WDR33: variants seen among roughly 807,000 people sequenced by gnomAD.
WDR33 encodes pre-mRNA 3' end processing protein WDR33.
Under a neutral mutation model 164.9 loss-of-function variants are expected in WDR33, and 47 were observed. The ratio of observed to expected loss-of-function variants is 0.29; its 90% CI spans 0.23 to 0.36. The LOEUF (loss-of-function observed/expected upper bound fraction) is 0.36. Ranked by LOEUF, WDR33 falls within the 10% of genes least tolerant of loss-of-function variation. The pLI is 1.00. For missense variants in WDR33, 1,137 were observed against 1,754.1 expected, an observed-to-expected ratio of 0.65 and a Z score of 6.28; for synonymous variants, 505 against 589.0, an observed-to-expected ratio of 0.86 and a Z score of 2.06.
Position 127,763,401 on chromosome 2 carries a change from T to C in WDR33, c.627-242A>G. On this transcript the variant is annotated intron_variant, in intron 6 of 21. Coordinates refer to ENST00000322313, the MANE Select transcript of WDR33 (RefSeq NM_018383.5). The surrounding 1 kb of genome is among the most constrained non-coding windows in gnomAD (Gnocchi z 4.5). Reference sequence around the variant, plus strand: ...GTATTCTGAGAACTTCAAGTGTGTATTATTAGTGCTAATGCTATCCATGTT... The same window carrying C: ...GTATTCTGAGAACTTCAAGTGTGTACTATTAGTGCTAATGCTATCCATGTT... 2 of 1,328,830 alleles carry C rather than the reference T, an allele frequency of 1.5e-6. No homozygotes were observed. The highest frequency in any genetic ancestry group is 1.7e-5 in the South Asian group (1 of 59,826). The allele number at this position is 1,328,830 out of a possible 1,614,324, so 82.3% of individuals were successfully genotyped here.
rs533303796 is a variant in WDR33, at chr2:127,789,996, T to A, written c.-23-18992A>T. ...GACTACAGGTGCATGCCACCACGCC[T>A]GGCTAATTTTTTTTATTTTTAGTAG... is the stretch of plus-strand genomic sequence containing the variant. On this transcript the variant is annotated intron_variant, in intron 1 of 21. Transcript: ENST00000322313. Among the ~76,000 whole-genome samples, 3 of 152,242 alleles carry A rather than the reference T, an allele frequency of 2.0e-5. No homozygotes were observed. The East Asian group carries it at 5.8e-4, about 29-fold the overall frequency.
Position 127,701,907 on chromosome 2 carries a change from C to G in WDR33, c.*4416G>C, listed in dbSNP as rs966161710. On this transcript the variant is annotated 3_prime_UTR_variant, in exon 22 of 22. Transcript: ENST00000322313. The stretch of plus-strand genomic sequence containing the variant: ...GGCGTTGGCGGGAAGCGCGCTGCTG[C>G]GGGGCGGCGCGGCGTGCGGACGCCT... The G allele has an allele frequency of 2.2e-5, 32 of 1,449,214 alleles. No homozygotes were observed. In the African/African-American group the frequency reaches 4.5e-4, roughly 20 times the overall value. The allele number at this position is 1,449,214 out of a possible 1,614,324, so 89.8% of individuals were successfully genotyped here. A position where few individuals can be genotyped will look rare whatever the true frequency, so the allele number is the denominator to read the frequency against.
chr2:127,721,275 T>G lies in WDR33; in HGVS notation c.1671+561A>C, dbSNP rs1472140330. ...GGCATGCACCACCATGCCCAGCTAA[T>G]TTTTGTATTTTCAGTAGAGGTGGGG... On this transcript the variant is annotated intron_variant, in intron 15 of 21. Coordinates refer to ENST00000322313, the MANE Select transcript of WDR33 (RefSeq NM_018383.5). This position sits in a 1 kb window ranked among gnomAD's most constrained non-coding sequence, Gnocchi z 4.9. Among the ~76,000 whole-genome samples, 1 of 152,072 alleles carries G rather than the reference T, an allele frequency of 6.6e-6. No individual in the cohort carries two copies. Among genetic ancestry groups the G allele is most frequent in the African/African-American group, 2.4e-5 (1 of 41,388 alleles).
At chr2:127,774,631 C>T (rs1484952349) in intron 1 of WDR33, among the ~76,000 whole-genome samples, 2 of 152,124 alleles carry the variant, frequency 1.3e-5, no homozygotes, top group Non-Finnish European at 2.9e-5. Context: ...AGATCGAGAC[C>T]ATCCCGGCTA....
intron 1 of WDR33, among the ~76,000 whole-genome samples, chr2:127,796,777 C>T (rs1320476712): frequency 6.6e-6 from 1 of 151,988 alleles, no homozygotes. Context: ...GTATTTCGGT[C>T]TCCTAAATGA....
chr2:127,790,030 T>C (rs1182031131), intron 1 of WDR33, among the ~76,000 whole-genome samples: 25 of 152,102 alleles, frequency 1.6e-4, no homozygotes, highest in Non-Finnish European at 2.6e-4. Context: ...AGAGACAGGG[T>C]TTCGACATGT....
chr2:127,801,580 T>C (rs1689246153), intron 1 of WDR33, among the ~76,000 whole-genome samples: 1 of 150,510 alleles, frequency 6.6e-6, no homozygotes, highest in Non-Finnish European at 1.5e-5. Context: ...TCTTCAAAAA[T>C]GTTAAAAACA....
At chr2:127,736,314 AG>A in intron 7 of WDR33, 7 of 985,414 alleles carry the variant, frequency 7.1e-6, no homozygotes, top group Non-Finnish European at 7.2e-6. Context: ...GGGCATGTAA[AG>A]GGGCCTTTAA....
Position 127,720,069 on chromosome 2 carries a change from G to A in WDR33, c.1956C>T (p.Phe652=), listed in dbSNP as rs1258728756. The A allele has an allele frequency of 6.2e-7, 1 of 1,614,026 alleles. No individual in the cohort carries two copies. Among genetic ancestry groups the A allele is most frequent in the Non-Finnish European group, 8.5e-7 (1 of 1,180,012 alleles). ...GGCCCTGGGGCCCCTGTGGTCCCAT[G>A]AATCCTTGTGGCCCCCCACCTCCCT... ...LHQGGGGPQG[F]MGPQGPQGPP... is the part of the protein sequence containing the mutation. The change falls in exon 16 of 22, where the codon TTC becomes TTT. Residue 652 remains phenylalanine (F), a synonymous_variant. Transcript: ENST00000322313. The surrounding 1 kb of genome is among the most constrained non-coding windows in gnomAD (Gnocchi z 5.9).
intron 1 of WDR33, among the ~76,000 whole-genome samples, chr2:127,799,878 T>C (rs146003811): frequency 0.022 from 3,361 of 152,224 alleles, 59 homozygotes; most frequent in Non-Finnish European, 0.031. Context: ...GGCAACAGAG[T>C]GAGACCCCGT....
chr2:127,809,169 A>G (rs1689548815), intron 1 of WDR33, among the ~76,000 whole-genome samples: 1 of 152,134 alleles, frequency 6.6e-6, no homozygotes, highest in African/African-American at 2.4e-5. Flanking sequence ...TTCAAACTTC[A>G]GCCATAATCA....
In WDR33 at chr2:127,708,665, G is replaced by A; in HGVS notation, c.3781+12C>T. On this transcript the variant is annotated intron_variant, in intron 21 of 21. Coordinates refer to ENST00000322313, the MANE Select transcript of WDR33 (RefSeq NM_018383.5). This position sits in a 1 kb window ranked among gnomAD's most constrained non-coding sequence, Gnocchi z 6.7. ...GCATCTCCTGGAACCATAACCACTG[G>A]CCTGCTCTTACCTTTGCCTCCTCGG... is the stretch of plus-strand genomic sequence containing the variant. 1 of 1,585,848 alleles carries A rather than the reference G, an allele frequency of 6.3e-7. No homozygotes were observed. The highest frequency in any genetic ancestry group is 8.6e-7 in the Non-Finnish European group (1 of 1,164,506).
At chr2:127,728,110 A>T (rs1686614790) in intron 7 of WDR33, among the ~76,000 whole-genome samples, 1 of 152,232 alleles carries the variant, frequency 6.6e-6, no homozygotes, top group South Asian at 2.1e-4. Flanking sequence ...CATGTCTTAG[A>T]TTTTATCATT....
intron 7 of WDR33, among the ~76,000 whole-genome samples, chr2:127,758,999 G>A (rs1333628867): frequency 1.3e-5 from 2 of 152,064 alleles, no homozygotes; most frequent in African/African-American, 4.8e-5. Flanking sequence ...ATTTAGTCTC[G>A]CATATTTCTC....
chr2:127,755,942 C>G (rs903009313), intron 7 of WDR33, among the ~76,000 whole-genome samples: 3 of 152,068 alleles, frequency 2.0e-5, no homozygotes, highest in Non-Finnish European at 4.4e-5. Flanking sequence ...AATTTCCATT[C>G]GTGACAAAAC....
chr2:127,778,730 GGT>G (rs1374946853), intron 1 of WDR33, among the ~76,000 whole-genome samples: 1 of 152,070 alleles, frequency 6.6e-6, no homozygotes, highest in Non-Finnish European at 1.5e-5. Context: ...AAGGGCAGGG[GGT>G]GTCAGGGGAG....
chr2:127,711,751 G>GATATATAT lies in WDR33; in HGVS notation c.3308+1824_3308+1831dup, dbSNP rs754454193. Among the ~76,000 whole-genome samples, 221 of 71,584 alleles carry GATATATAT rather than the reference G, an allele frequency of 3.1e-3. 6 individuals are homozygous for GATATATAT. The highest frequency in any genetic ancestry group is 4.5e-3 in the African/African-American group (45 of 10,100). The allele number at this position is 71,584 out of a possible 152,430, so 47.0% of individuals were successfully genotyped here. On this transcript the variant is annotated intron_variant, in intron 18 of 21. Transcript: ENST00000322313. Reference sequence around the variant, plus strand: ...CAACCCTAACTCAACCACATATACAGATATATATATATATATATATATATA... The same window carrying GATATATAT: ...CAACCCTAACTCAACCACATATACAGATATATATATATATATATATATATATATATATA...
chr2:127,742,300 T>C (rs1687039504), intron 7 of WDR33, among the ~76,000 whole-genome samples: 1 of 151,958 alleles, frequency 6.6e-6, no homozygotes, highest in South Asian at 2.1e-4. Flanking sequence ...GGCCAAGGTA[T>C]GTGGATTGCT....
chr2:127,785,425 C>T (rs975659436), intron 1 of WDR33, among the ~76,000 whole-genome samples: 1 of 152,158 alleles, frequency 6.6e-6, no homozygotes. Context: ...GACATGTATC[C>T]ACACAGAATA....
Sources: gnomAD v4.1 joint callset for allele counts (sites outside exome capture counted in the v4.1 genomes callset) on GRCh38, gnomAD v4.1.1 for gene constraint, Gnocchi (gnomAD v3.1) non-coding constraint, MANE v1.5 for transcripts, NCBI Gene and HGNC (gene_info 2026-07-23, HGNC 2026-07-21) for gene names.